Variants in EMSY observed in about 807,000 individuals in gnomAD.
EMSY encodes EMSY transcriptional repressor, BRCA2 interacting.
In EMSY, 26 loss-of-function variants were observed where a neutral mutation model predicts 134.6. That is an observed-to-expected ratio of 0.19 (90% CI 0.14 to 0.27). The LOEUF is 0.27. EMSY is among the 10% of genes least tolerant of loss of function. The pLI is 1.00. For missense variants in EMSY, 1,305 were observed against 1,611.4 expected, an observed-to-expected ratio of 0.81 and a Z score of 3.26; for synonymous variants, 579 against 577.8, an observed-to-expected ratio of 1.00 and a Z score of -0.03.
At chr11:76,515,513 G>A (rs11603022) in intron 10 of EMSY, among the ~76,000 whole-genome samples, 5,392 of 152,212 alleles carry the variant, frequency 0.035, 110 homozygotes, top group Middle Eastern at 0.051. Context: ...CAGGTCTAAA[G>A]TTGAGGAAAT....
intron 8 of EMSY, among the ~76,000 whole-genome samples, chr11:76,491,650 T>C (rs1949429655): frequency 6.6e-6 from 1 of 152,226 alleles, no homozygotes; most frequent in Non-Finnish European, 1.5e-5. Flanking sequence ...GATACCCTGC[T>C]GAAGCTTTGA....
chr11:76,451,936 G>C, exon 3 of EMSY: 1 of 1,586,410 alleles, frequency 6.3e-7, no homozygotes, highest in Non-Finnish European at 8.5e-7. Flanking sequence ...GATCTTCTTG[G>C]AGAACTATCA....
chr11:76,525,035 C>T (rs1950796483), intron 12 of EMSY, among the ~76,000 whole-genome samples: 1 of 152,150 alleles, frequency 6.6e-6, no homozygotes, highest in Admixed American at 6.6e-5. Context: ...CCGCCAAAGA[C>T]CACATAGGCA....
intron 11 of EMSY, 62 bp from the exon 13 acceptor site, chr11:76,523,092 AC>A: frequency 6.7e-7 from 1 of 1,500,274 alleles, no homozygotes; most frequent in Non-Finnish European, 9.0e-7. Context: ...TATAATATAA[AC>A]AAAAATAACC....
At chr11:76,478,262 C>T (rs1400293947) in intron 8 of EMSY, among the ~76,000 whole-genome samples, 3 of 151,894 alleles carry the variant, frequency 2.0e-5, no homozygotes, top group Non-Finnish European at 4.4e-5. Flanking sequence ...GAGAACAAAG[C>T]GCTACCAGTA....
intron 14 of EMSY, among the ~76,000 whole-genome samples, chr11:76,529,489 T>C (rs548407138): frequency 1.3e-5 from 2 of 152,312 alleles, no homozygotes; most frequent in East Asian, 3.9e-4. Context: ...TTATACTACA[T>C]ACTAAGCATT....
At chr11:76,467,980 AAAAAAAAAAAAC>A (rs1948422705) in intron 7 of EMSY, among the ~76,000 whole-genome samples, 1 of 22,306 alleles carries the variant, frequency 4.5e-5, no homozygotes, top group East Asian at 6.5e-4. Flanking sequence ...ACTCCATCTC[AAAAAAAAAAAAC>A]AAAAAAAAAA....
intron 8 of EMSY, among the ~76,000 whole-genome samples, chr11:76,475,423 C>T (rs1948736335): frequency 6.6e-6 from 1 of 152,204 alleles, no homozygotes; most frequent in Non-Finnish European, 1.5e-5. Context: ...CAGGTAGCCA[C>T]TGAATCTCTT....
intron 8 of EMSY, among the ~76,000 whole-genome samples, chr11:76,493,340 C>T (rs896138370): frequency 6.6e-6 from 1 of 152,192 alleles, no homozygotes; most frequent in Non-Finnish European, 1.5e-5. Flanking sequence ...CTTCCCCGAA[C>T]AGCCTGGGCT....
At chr11:76,491,564 G>A (rs1949424834) in intron 8 of EMSY, among the ~76,000 whole-genome samples, 1 of 152,218 alleles carries the variant, frequency 6.6e-6, no homozygotes, top group African/African-American at 2.4e-5. Flanking sequence ...AGCCATGCCA[G>A]GGCCAGGTGG....
At chr11:76,509,212 G>A (rs936424684) in intron 9 of EMSY, among the ~76,000 whole-genome samples, 1 of 152,104 alleles carries the variant, frequency 6.6e-6, no homozygotes, top group African/African-American at 2.4e-5. Flanking sequence ...CTTACTCGAC[G>A]TGGGGTTGCC....
At chr11:76,462,693 G>A (rs543326318) in intron 6 of EMSY, among the ~76,000 whole-genome samples, 1 of 152,316 alleles carries the variant, frequency 6.6e-6, no homozygotes, top group South Asian at 2.1e-4. Context: ...ATAGAATGTG[G>A]TTAAGGTGGC....
rs555807186 is a variant in EMSY at position 76,505,629 on chromosome 11, G to A, written c.1364-7757G>A. ...TCCCAGCACCTTGGGAGGCTGAGGC[G>A]GGTGGATCACGAGGTCAAGAGATCG... On this transcript the variant is annotated intron_variant, in intron 9 of 20. Coordinates refer to ENST00000334736, the Ensembl canonical transcript of EMSY. Among the ~76,000 whole-genome samples, 725 of 149,480 alleles carry A rather than the reference G, an allele frequency of 4.9e-3. 1 individual carries two copies. Among genetic ancestry groups the A allele is most frequent in the Non-Finnish European group, 7.9e-3 (533 of 67,180 alleles).
chr11:76,457,171 C>T (rs1003477657), intron 4 of EMSY, among the ~76,000 whole-genome samples: 4 of 152,032 alleles, frequency 2.6e-5, no homozygotes, highest in African/African-American at 9.7e-5. Flanking sequence ...CATTTTTCCA[C>T]TGCCCACTAA....
intron 14 of EMSY, among the ~76,000 whole-genome samples, chr11:76,532,351 GTT>G (rs201396066): frequency 8.1e-4 from 107 of 132,356 alleles, no homozygotes; most frequent in Middle Eastern, 4.0e-3. Context: ...AGTCCAAAAT[GTT>G]TTTTTTTTTT....
intron 8 of EMSY, among the ~76,000 whole-genome samples, chr11:76,493,298 G>A (rs978714808): frequency 6.6e-6 from 1 of 152,202 alleles, no homozygotes; most frequent in African/African-American, 2.4e-5. Context: ...AAAGGGGGTC[G>A]AGGGTGGGTT....
At chr11:76,494,445 G>T (rs997169519) in intron 8 of EMSY, among the ~76,000 whole-genome samples, 2 of 152,124 alleles carry the variant, frequency 1.3e-5, no homozygotes, top group Non-Finnish European at 2.9e-5. Context: ...CTTTCACTTG[G>T]ATAACTTTAT....
At chr11:76,534,709 C>T (rs950560503) in intron 14 of EMSY, among the ~76,000 whole-genome samples, 4 of 152,130 alleles carry the variant, frequency 2.6e-5, no homozygotes, top group Admixed American at 2.6e-4. Context: ...CACTGACCAT[C>T]CCAATTCAAA....
intron 9 of EMSY, among the ~76,000 whole-genome samples, chr11:76,498,049 A>AT (rs1254610614): frequency 1.5e-4 from 23 of 152,022 alleles, no homozygotes; most frequent in African/African-American, 5.3e-4. Context: ...TTTTTATTCA[A>AT]TTTTTTGTGT....
Sources: gnomAD v4.1 joint callset for allele counts (sites outside exome capture counted in the v4.1 genomes callset) on GRCh38, gnomAD v4.1.1 for gene constraint, MANE v1.5 for transcripts, NCBI Gene and HGNC (gene_info 2026-07-23, HGNC 2026-07-21) for gene names.